Variants in ANO6 observed in about 807,000 individuals in gnomAD.
The protein encoded by ANO6 is anoctamin-6.
A neutral mutation model predicts 117.5 loss-of-function variants in ANO6; 106 were observed. That is an observed-to-expected ratio of 0.90 (90% CI 0.77 to 1.06). The LOEUF (loss-of-function observed/expected upper bound fraction) is 1.06, where lower values mean the gene tolerates loss of function less well. ANO6 is among the 50% of genes least tolerant of loss of function. ANO6 has a pLI of 0.00. For missense variants in ANO6, 955 were observed against 1,121.1 expected (o/e 0.85, Z 2.12); for synonymous variants, 367 against 385.1 (o/e 0.95, Z 0.55).
chr12:45,373,330 G>T (rs1407057486), intron 9 of ANO6, among the ~76,000 whole-genome samples: 4 of 151,352 alleles, frequency 2.6e-5, no homozygotes. Context: ...AGGATACCCA[G>T]GAATTGAACT....
At chr12:45,428,189 A>G (rs1565776359) in intron 19 of ANO6, among the ~76,000 whole-genome samples, 1 of 152,258 alleles carries the variant, frequency 6.6e-6, no homozygotes, top group Admixed American at 6.5e-5. Context: ...TAAAACAAAA[A>G]CTGGAAACAA....
At chr12:45,258,230 A>G (rs1385332905) in intron 1 of ANO6, among the ~76,000 whole-genome samples, 3 of 152,218 alleles carry the variant, frequency 2.0e-5, no homozygotes, top group African/African-American at 7.2e-5. Context: ...TAGTGTATTC[A>G]GTATAGTGCC....
intron 3 of ANO6, among the ~76,000 whole-genome samples, chr12:45,335,915 C>T (rs1940810577): frequency 6.6e-6 from 1 of 151,704 alleles, no homozygotes; most frequent in Non-Finnish European, 1.5e-5. Context: ...ATTAATTTTC[C>T]CAAATGAAGA....
At chr12:45,411,848 C>A (rs1488335821) in intron 16 of ANO6, among the ~76,000 whole-genome samples, 1 of 152,226 alleles carries the variant, frequency 6.6e-6, no homozygotes, top group South Asian at 2.1e-4. Flanking sequence ...GGTATACGCT[C>A]TGTGCCTGCC....
chr12:45,403,275 T>G (rs1942843704), intron 14 of ANO6, 34 bp downstream of exon 14: 1 of 1,605,484 alleles, frequency 6.2e-7, no homozygotes. Flanking sequence ...CTTGCCAGTT[T>G]AAGCTGAGTT....
At chr12:45,359,621 G>A (rs1941502316) in intron 8 of ANO6, among the ~76,000 whole-genome samples, 1 of 148,954 alleles carries the variant, frequency 6.7e-6, no homozygotes, top group Admixed American at 6.7e-5. Context: ...GCATGTATCA[G>A]TACTTCATTC....
chr12:45,225,169 C>G (rs1947462303), intron 1 of ANO6, among the ~76,000 whole-genome samples: 1 of 129,898 alleles, frequency 7.7e-6, no homozygotes, highest in South Asian at 2.4e-4. Context: ...GCCTGGGCAA[C>G]AGAGACCCTG....
At chr12:45,264,711 TCTTG>T (rs1200348411) in intron 1 of ANO6, among the ~76,000 whole-genome samples, 4 of 152,224 alleles carry the variant, frequency 2.6e-5, no homozygotes, top group Non-Finnish European at 4.4e-5. Context: ...GTACAGTAAA[TCTTG>T]CTTCTAAGAT....
At chr12:45,381,226 T>C (rs1438312953) in intron 10 of ANO6, among the ~76,000 whole-genome samples, 1 of 152,252 alleles carries the variant, frequency 6.6e-6, no homozygotes, top group East Asian at 1.9e-4. Context: ...TTTGTTTAGA[T>C]ACAGTAATAT....
At chr12:45,402,752 T>C (rs1206265714) in intron 13 of ANO6, among the ~76,000 whole-genome samples, 1 of 152,232 alleles carries the variant, frequency 6.6e-6, no homozygotes, top group Non-Finnish European at 1.5e-5. Flanking sequence ...AAAAATAATT[T>C]TCTGTCAATT....
intron 1 of ANO6, among the ~76,000 whole-genome samples, chr12:45,221,063 G>C (rs919993755): frequency 2.0e-5 from 3 of 151,862 alleles, no homozygotes; most frequent in African/African-American, 7.3e-5. Flanking sequence ...CGGAAGTGGG[G>C]GGGGGCAGCC....
intron 1 of ANO6, among the ~76,000 whole-genome samples, chr12:45,253,479 T>C (rs1051785696): frequency 5.9e-5 from 9 of 152,224 alleles, no homozygotes; most frequent in Non-Finnish European, 1.3e-4. Flanking sequence ...GTACAGGATT[T>C]GAAATTTTTA....
At position 45,404,653 on chromosome 12, in the gene ANO6, CCT is replaced by C. The variant is rs201944850; in HGVS notation, c.1880+1121_1880+1122del. 1.6e-3 allele frequency among the ~76,000 whole-genome samples: 248 copies of C among 152,118 alleles called. 5 individuals are homozygous for C. The East Asian group carries it at 0.037, about 23-fold the overall frequency. Reference sequence around the variant, plus strand: ...TGTTTGTGACTATCTTCTGTAGTCACCTCTCCCGCCTTCTGTCTTCTTCCCCC... The same window carrying C: ...TGTTTGTGACTATCTTCTGTAGTCACCTCCCGCCTTCTGTCTTCTTCCCCC... On this transcript the variant is annotated intron_variant, in intron 15 of 19. Transcript: ENST00000320560.
At chr12:45,302,798 G>C (rs960903857) in intron 2 of ANO6, among the ~76,000 whole-genome samples, 2 of 152,170 alleles carry the variant, frequency 1.3e-5, no homozygotes, top group Non-Finnish European at 2.9e-5. Context: ...AAGTGTTTCT[G>C]TGACTCATGT....
chr12:45,216,375 C>G lies in ANO6; in HGVS notation c.54C>G (p.Asp18Glu). ...VLLQMEEEED[D>E]DDGDIVLENL... Reference sequence around the variant, plus strand: ...TACAAATGGAGGAGGAGGAGGACGACGACGATGGGGATATCGGTGAGCGAG... The same window carrying G: ...TACAAATGGAGGAGGAGGAGGACGAGGACGATGGGGATATCGGTGAGCGAG... Residue 18 changes from aspartate (D) to glutamate (E), a missense_variant, in exon 1 of 20, where the codon GAC becomes GAG. Asp to Glu is a conservative substitution (Grantham distance 45). Coordinates refer to ENST00000320560, the MANE Select transcript of ANO6 (RefSeq NM_001025356.3). The G allele has an allele frequency of 6.2e-7, 1 of 1,612,780 alleles. No individual in the cohort carries two copies. Among genetic ancestry groups the G allele is most frequent in the Non-Finnish European group, 8.5e-7 (1 of 1,179,400 alleles).
intron 2 of ANO6, among the ~76,000 whole-genome samples, chr12:45,303,344 G>C (rs1939559045): frequency 6.6e-6 from 1 of 152,180 alleles, no homozygotes; most frequent in Admixed American, 6.5e-5. Flanking sequence ...TTTGCAGTTA[G>C]AGACCAAAAG....
rs1468346819 is a variant in ANO6 at position 45,439,723 on chromosome 12, CA to C, written c.2576del (p.His859ProfsTer26). 6.5e-7 allele frequency: 1 copy of C among 1,538,202 alleles called. No homozygotes were observed. Among genetic ancestry groups the C allele is most frequent in the Non-Finnish European group, 8.8e-7 (1 of 1,142,576 alleles). On this transcript the variant is annotated frameshift_variant, in exon 20 of 20. Coordinates refer to the ANO6 transcript ENST00000425752. LOFTEE classifies it low-confidence loss of function (END_TRUNC). ...GGGACACAGTGGCATGATCTTGGCT[CA>C]CTGCAACCTCCGCCTCCCAGTTGAC... is the stretch of plus-strand genomic sequence containing the variant.
At chr12:45,265,386 A>G (rs1274912792) in intron 1 of ANO6, among the ~76,000 whole-genome samples, 1 of 152,178 alleles carries the variant, frequency 6.6e-6, no homozygotes, top group African/African-American at 2.4e-5. Flanking sequence ...GAAGTGACCT[A>G]TATACCCTGG....
downstream of ANO6, among the ~76,000 whole-genome samples, chr12:45,435,574 GA>G (rs909716643): frequency 2.6e-5 from 4 of 152,194 alleles, no homozygotes; most frequent in Admixed American, 2.6e-4. Context: ...TGATGAGAAG[GA>G]AAGGAAACTT....
Sources: gnomAD v4.1 joint callset for allele counts (sites outside exome capture counted in the v4.1 genomes callset) on GRCh38, gnomAD v4.1.1 for gene constraint, MANE v1.5 for transcripts, NCBI Gene and HGNC (gene_info 2026-07-23, HGNC 2026-07-21) for gene names.